Variants in TENM3 observed in about 807,000 individuals in gnomAD.
TENM3 encodes the protein teneurin transmembrane protein 3, also known as teneurin-3.
Under a neutral mutation model 255.1 loss-of-function variants are expected in TENM3, and 63 were observed. That is an observed-to-expected ratio of 0.25 (90% CI 0.20 to 0.30). TENM3 has a LOEUF of 0.30. TENM3 is among the 10% of genes least tolerant of loss of function. The probability of loss-of-function intolerance (pLI) is 1.00; values close to 1 mark genes in which losing one functional copy is unlikely to be tolerated. For missense variants in TENM3, 2,929 were observed against 3,461.1 expected (o/e 0.85, Z 3.86); for synonymous variants, 1,306 against 1,322.3 (o/e 0.99, Z 0.27).
intron 3 of TENM3, among the ~76,000 whole-genome samples, chr4:182,397,857 C>T (rs1305136169): frequency 6.6e-6 from 1 of 152,166 alleles, no homozygotes; most frequent in African/African-American, 2.4e-5. Context: ...ATGAGGACCA[C>T]TGCTCCAAAT....
At chr4:181,698,410 A>T in the TENM3 span, among the ~76,000 whole-genome samples, 1 of 152,096 alleles carries the variant, frequency 6.6e-6, no homozygotes, top group East Asian at 1.9e-4. Flanking sequence ...TTTAATGCCA[A>T]CAAACTTTTC....
intron 25 of TENM3, among the ~76,000 whole-genome samples, chr4:182,791,150 A>T (rs973558806): frequency 1.3e-5 from 2 of 152,256 alleles, no homozygotes; most frequent in Non-Finnish European, 2.9e-5. Flanking sequence ...CTTTCCTTGG[A>T]ACAATGCAAA....
chr4:182,220,916 G>A (rs1487752770), intron 1 of TENM3, among the ~76,000 whole-genome samples: 1 of 152,118 alleles, frequency 6.6e-6, no homozygotes, highest in Non-Finnish European at 1.5e-5. Context: ...GTGTTATTTA[G>A]AAGAAGTCTT....
the TENM3 span, among the ~76,000 whole-genome samples, chr4:181,832,473 T>C: frequency 1.3e-5 from 2 of 152,196 alleles, no homozygotes; most frequent in Admixed American, 1.3e-4. Context: ...CAGTGTTCTA[T>C]TAGCCTAGTA....
chr4:181,811,274 C>T, the TENM3 span, among the ~76,000 whole-genome samples: 1 of 152,104 alleles, frequency 6.6e-6, no homozygotes, highest in Non-Finnish European at 1.5e-5. Flanking sequence ...ATCTTGTGAA[C>T]ATCTCACATA....
At chr4:182,365,316 A>C (rs1033147688) in intron 3 of TENM3, among the ~76,000 whole-genome samples, 1 of 152,228 alleles carries the variant, frequency 6.6e-6, no homozygotes, top group African/African-American at 2.4e-5. Context: ...ACACCAGCAC[A>C]GTGACTCTGC....
chr4:181,892,213 G>A, the TENM3 span, among the ~76,000 whole-genome samples: 3 of 152,152 alleles, frequency 2.0e-5, no homozygotes, highest in African/African-American at 4.8e-5. Flanking sequence ...TCTATGAATT[G>A]CATATTCTGA....
intron 4 of TENM3, among the ~76,000 whole-genome samples, chr4:182,625,623 G>C (rs1341491658): frequency 6.6e-6 from 1 of 152,156 alleles, no homozygotes; most frequent in Admixed American, 6.5e-5. Context: ...TCCTATACTT[G>C]GCAAAGATGA....
the TENM3 span, among the ~76,000 whole-genome samples, chr4:182,039,856 A>G: frequency 6.8e-6 from 1 of 146,444 alleles, no homozygotes; most frequent in Non-Finnish European, 1.5e-5. Context: ...AAGAAAGAGA[A>G]GGAGGAAGTT....
chr4:182,230,072 T>C (rs1295836442), intron 1 of TENM3, among the ~76,000 whole-genome samples: 2 of 151,172 alleles, frequency 1.3e-5, no homozygotes, highest in Non-Finnish European at 2.9e-5. Context: ...CACTGAACGT[T>C]AATTAGATAT....
the TENM3 span, chr4:182,012,777 AAT>A: frequency 6.6e-6 from 1 of 152,188 alleles, no homozygotes; most frequent in East Asian, 1.9e-4. Flanking sequence ...AGGATCATGA[AAT>A]TTGGAGGAAC....
At chr4:182,593,269 T>A (rs1746852067) in intron 3 of TENM3, among the ~76,000 whole-genome samples, 1 of 152,194 alleles carries the variant, frequency 6.6e-6, no homozygotes, top group Admixed American at 6.5e-5. Flanking sequence ...GATGAATGAA[T>A]ACCCAGGAGG....
At chr4:181,522,064 G>A in the TENM3 span, among the ~76,000 whole-genome samples, 1 of 122,722 alleles carries the variant, frequency 8.1e-6, no homozygotes, top group East Asian at 2.5e-4. Flanking sequence ...TCACGTCACT[G>A]CACTCCAGCC....
rs561848719 is a variant in TENM3 at position 182,645,808 on chromosome 4, G to A, written c.989-7963G>A. On this transcript the variant is annotated intron_variant, in intron 5 of 27. Coordinates refer to ENST00000511685, the MANE Select transcript of TENM3 (RefSeq NM_001080477.4). ...ACCAAAAAAGAAGCTGAAGTCTTTC[G>A]TAACCTAAGCTCAAAAGAGACATTG... 3.7e-4 allele frequency among the ~76,000 whole-genome samples: 56 copies of A among 152,260 alleles called. 1 individual carries two copies. Among genetic ancestry groups the A allele is most frequent in the Middle Eastern group, 3.4e-3 (1 of 294 alleles).
At chr4:182,620,442 C>A (rs886384424) in intron 4 of TENM3, among the ~76,000 whole-genome samples, 2 of 152,164 alleles carry the variant, frequency 1.3e-5, no homozygotes, top group African/African-American at 2.4e-5. Flanking sequence ...CCTTTCTGAA[C>A]CCCAAAACTA....
intron 3 of TENM3, among the ~76,000 whole-genome samples, chr4:182,591,347 T>G (rs1746629689): frequency 6.6e-6 from 1 of 152,220 alleles, no homozygotes; most frequent in Non-Finnish European, 1.5e-5. Context: ...AAATTCTCAC[T>G]AACCCAGTAA....
chr4:182,306,153 T>G (rs982334090), intron 1 of TENM3, among the ~76,000 whole-genome samples: 2 of 152,138 alleles, frequency 1.3e-5, no homozygotes, highest in South Asian at 4.1e-4. Context: ...CGTGATATGA[T>G]AGTGAACCAT....
chr4:181,768,762 T>C, the TENM3 span, among the ~76,000 whole-genome samples: 1 of 152,200 alleles, frequency 6.6e-6, no homozygotes. Flanking sequence ...TATGATGTGA[T>C]AGCAGGAGAC....
chr4:182,487,332 C>T (rs1457297), intron 3 of TENM3, among the ~76,000 whole-genome samples: 6,170 of 152,176 alleles, frequency 0.041, 181 homozygotes, highest in East Asian at 0.07. Context: ...GTCTCTTTAT[C>T]GTTGAATTAC....
Sources: gnomAD v4.1 joint callset for allele counts (sites outside exome capture counted in the v4.1 genomes callset) on GRCh38, gnomAD v4.1.1 for gene constraint, MANE v1.5 for transcripts, NCBI Gene and HGNC (gene_info 2026-07-23, HGNC 2026-07-21) for gene names.